The following NINL variants were observed in gnomAD, a reference collection of about 807,000 sequenced individuals.
The protein encoded by NINL is ninein like, also known as ninein-like protein.
A neutral mutation model predicts 160.3 loss-of-function variants in NINL; 153 were observed. The ratio of observed to expected loss-of-function variants is 0.95; its 90% CI spans 0.84 to 1.09. The LOEUF is 1.09. Among genes scored for constraint, NINL ranks in the 50% least tolerant of loss-of-function variants. The probability of loss-of-function intolerance (pLI) is 0.00; values close to 1 mark genes in which losing one functional copy is unlikely to be tolerated. For synonymous variants in NINL, 800 were observed against 734.8 expected (o/e 1.09, Z -1.43); for missense variants, 1,829 against 1,764.0 (o/e 1.04, Z -0.66).
rs754842509 is a variant in NINL at position 25,498,240 on chromosome 20, G to A, written c.1139C>T (p.Ala380Val). ...GTAGCTCAGCTCCTGGTGGTAGCAG[G>A]CCAGGGCTGCCTGCTGGACGGCACT... ...VDSAVQQAAL[A>V]CYHQELSYQQ... is the part of the protein sequence containing the mutation. The change falls in exon 9 of 24, where the codon GCC becomes GTC. Residue 380 changes from alanine (A) to valine (V), a missense_variant. Ala to Val is a moderately conservative substitution (Grantham distance 64, BLOSUM62 0). Coordinates refer to ENST00000278886, the MANE Select transcript of NINL (RefSeq NM_025176.6). 1.9e-6 allele frequency: 3 copies of A among 1,612,894 alleles called. No individual in the cohort carries two copies. The highest frequency in any genetic ancestry group is 1.3e-5 in the African/African-American group (1 of 74,924).
intron 17 of NINL, among the ~76,000 whole-genome samples, chr20:25,470,523 G>C (rs981163721): frequency 2.0e-5 from 3 of 152,080 alleles, no homozygotes; most frequent in African/African-American, 7.3e-5. Flanking sequence ...GAATCAGAAG[G>C]CCAAGATATA....
chr20:25,482,095 C>G lies in NINL; in HGVS notation c.1683G>C (p.Leu561=). ...LKEYELKCRD[L]QDRNDELQAE... ...CTTGCAGCTCATCGTTGCGGTCCTG[C>G]AGGTCCTGTGGGGACAGAGCCAGCC... Residue 561 remains leucine, a synonymous_variant, in exon 14 of 24, where the codon CTG becomes CTC. Transcript: ENST00000278886. 1 of 1,597,040 alleles carries G rather than the reference C, an allele frequency of 6.3e-7. No individual in the cohort carries two copies. Among genetic ancestry groups the G allele is most frequent in the Non-Finnish European group, 8.5e-7 (1 of 1,179,124 alleles).
At chr20:25,517,091 T>C (rs1158857083) in intron 3 of NINL, among the ~76,000 whole-genome samples, 1 of 152,080 alleles carries the variant, frequency 6.6e-6, no homozygotes, top group East Asian at 1.9e-4. Flanking sequence ...AAAACCTCTG[T>C]GTGAGCCTGG....
chr20:25,546,506 T>C (rs1415988042), intron 1 of NINL, among the ~76,000 whole-genome samples: 2 of 152,224 alleles, frequency 1.3e-5, no homozygotes, highest in East Asian at 3.9e-4. Flanking sequence ...AGTGGGAAAT[T>C]TGACTATATA....
intron 9 of NINL, among the ~76,000 whole-genome samples, chr20:25,497,999 T>A (rs2063792218): frequency 6.6e-6 from 1 of 152,252 alleles, no homozygotes; most frequent in South Asian, 2.1e-4. Flanking sequence ...CACCTGTCCA[T>A]GCTCCGTGGC....
At chr20:25,528,109 A>C (rs1356115771) in intron 1 of NINL, among the ~76,000 whole-genome samples, 2 of 152,190 alleles carry the variant, frequency 1.3e-5, no homozygotes, top group African/African-American at 4.8e-5. Context: ...AGCTCACTGT[A>C]ACCTTGAACT....
At chr20:25,517,652 G>A in intron 3 of NINL, 101 bp downstream of exon 3, 2 of 847,426 alleles carry the variant, frequency 2.4e-6, no homozygotes, top group Admixed American at 6.0e-5. Flanking sequence ...AAGTAAGGTA[G>A]AATTCAGTTT....
chr20:25,459,710 C>T (rs1281695343), intron 21 of NINL, among the ~76,000 whole-genome samples: 1 of 152,136 alleles, frequency 6.6e-6, no homozygotes, highest in Non-Finnish European at 1.5e-5. Flanking sequence ...TGGGACCGAA[C>T]CCCCACTAAT....
At chr20:25,490,965 C>T (rs1395407281) in intron 11 of NINL, among the ~76,000 whole-genome samples, 1 of 151,334 alleles carries the variant, frequency 6.6e-6, no homozygotes, top group Non-Finnish European at 1.5e-5. Flanking sequence ...CCCATCAGCT[C>T]CAGGCCACAA....
At chr20:25,542,517 G>A (rs1157760975) in intron 1 of NINL, among the ~76,000 whole-genome samples, 1 of 151,396 alleles carries the variant, frequency 6.6e-6, no homozygotes, top group Non-Finnish European at 1.5e-5. Flanking sequence ...GGATCCAAAA[G>A]GTAAGAAACC....
At chr20:25,500,615 A>G (rs1315148530) in intron 8 of NINL, among the ~76,000 whole-genome samples, 2 of 152,230 alleles carry the variant, frequency 1.3e-5, no homozygotes, top group Non-Finnish European at 2.9e-5. Context: ...TTTTCACACT[A>G]ACTTTGTGTT....
intron 1 of NINL, among the ~76,000 whole-genome samples, chr20:25,558,903 A>G (rs1417207961): frequency 2.0e-5 from 3 of 152,214 alleles, no homozygotes; most frequent in Admixed American, 6.5e-5. Context: ...TCAACTGTTC[A>G]TTTCTCAATA....
intron 17 of NINL, 97 bp downstream of exon 17, chr20:25,475,946 G>A: frequency 2.3e-6 from 3 of 1,296,134 alleles, no homozygotes; most frequent in Non-Finnish European, 3.2e-6. Context: ...TTGTCGGCAG[G>A]AAGGGCCACA....
rs35820142 is a variant in NINL, at chr20:25,524,904, A to AATATATATATATAT, written c.180+1490_180+1503dup. On this transcript the variant is annotated intron_variant, in intron 2 of 23. Coordinates refer to ENST00000278886, the MANE Select transcript of NINL (RefSeq NM_025176.6). ...TCAGCAAGAGACAGACTCAAATTAAAATATATATATATATATATATGTGTG... is the reference window on the plus strand; with the variant it reads ...TCAGCAAGAGACAGACTCAAATTAAAATATATATATATATATATATATATATATATATATGTGTG... Among the ~76,000 whole-genome samples, 6 of 145,456 alleles carry AATATATATATATAT rather than the reference A, an allele frequency of 4.1e-5. 1 individual carries two copies. The South Asian group carries it at 1.3e-3, about 31-fold the overall frequency.
chr20:25,462,573 A>G (rs1053166197), intron 19 of NINL, 32 bp from the exon 20 acceptor site: 1 of 1,564,742 alleles, frequency 6.4e-7, no homozygotes, highest in African/African-American at 1.4e-5. Flanking sequence ...TACATAAGAA[A>G]AAAATGTTTT....
intron 1 of NINL, among the ~76,000 whole-genome samples, chr20:25,545,803 A>C (rs1186554070): frequency 6.6e-6 from 1 of 152,154 alleles, no homozygotes; most frequent in East Asian, 1.9e-4. Context: ...CTTGTGGGGA[A>C]AATCTACATT....
chr20:25,498,112 G>C lies in NINL; in HGVS notation c.1169+98C>G, dbSNP rs1034733062. 1.6e-5 allele frequency: 23 copies of C among 1,431,080 alleles called. No individual in the cohort carries two copies. In the African/African-American group the frequency reaches 2.8e-4, roughly 17 times the overall value. 88.6% of individuals were successfully genotyped at this position (1,431,080 alleles called of 1,614,324 possible). ...GCCCCAGGACTGGCCATGTGGGGTG[G>C]ATAAGAGCTGACTGGTGTCCTTTGT... On this transcript the variant is annotated intron_variant, in intron 9 of 23. Transcript: ENST00000278886.
At chr20:25,467,486 T>C in intron 18 of NINL, 28 bp from the exon 19 acceptor site, 1 of 1,581,870 alleles carries the variant, frequency 6.3e-7, no homozygotes, top group South Asian at 1.1e-5. Flanking sequence ...TTAACAGTGA[T>C]ACCACTTGTG....
chr20:25,476,945 C>A lies in NINL; in HGVS notation c.2346G>T (p.Glu782Asp), dbSNP rs1189458201. The A allele has an allele frequency of 6.2e-7, 1 of 1,610,606 alleles. No homozygotes were observed. The highest frequency in any genetic ancestry group is 8.5e-7 in the Non-Finnish European group (1 of 1,179,886). ...GSQRSEQLEL[E>D]RALKLQPCAS... ...CACAGGGCTGCAGCTTCAGTGCCCT[C>A]TCCAGCTCCAGCTGCTCCGACCTCT... Residue 782 changes from glutamate (E) to aspartate (D), a missense_variant, in exon 17 of 24, where the codon GAG (glutamate) becomes GAT (aspartate). Glu to Asp is a conservative substitution (Grantham distance 45, BLOSUM62 2). Transcript: ENST00000278886.
Sources: allele counts gnomAD v4.1 joint callset (sites outside exome capture counted in the v4.1 genomes callset), GRCh38; gene constraint gnomAD v4.1.1; transcripts MANE v1.5; gene names NCBI Gene and HGNC (gene_info 2026-07-23, HGNC 2026-07-21).